The following AHI1 variants were observed in gnomAD, a reference collection of about 807,000 sequenced individuals.
AHI1 encodes Abelson helper integration site 1.
In AHI1, 123 loss-of-function variants were observed where a neutral mutation model predicts 149.3. The observed-to-expected ratio is 0.82, with a 90% CI of 0.71 to 0.96. The LOEUF (loss-of-function observed/expected upper bound fraction) is 0.96. AHI1 is among the 40% of genes least tolerant of loss of function. The pLI, the probability that AHI1 is intolerant of heterozygous loss-of-function variation, is 0.00. For synonymous variants in AHI1, 475 were observed against 459.8 expected (o/e 1.03, Z -0.42); for missense variants, 1,439 against 1,422.7 (o/e 1.01, Z -0.18).
rs956311950 is a variant in AHI1 at position 135,433,088 on chromosome 6, T to C, written c.2205A>G (p.Ile735Met). 14 of 1,613,740 alleles carry C rather than the reference T, an allele frequency of 8.7e-6. No individual in the cohort carries two copies. The highest frequency in any genetic ancestry group is 2.7e-5 in the African/African-American group (2 of 75,032). ...WKVEMREDSA[I>M]LVRQFDVHKS... Reference sequence around the variant, plus strand: ...TGTGAACATCAAACTGTCGGACCAATATGGCAGAATCTTCTCTCATCTCAA... The same window carrying C: ...TGTGAACATCAAACTGTCGGACCAACATGGCAGAATCTTCTCTCATCTCAA... Residue 735 changes from isoleucine (I) to methionine (M), a missense_variant, in exon 16 of 29, where the codon ATA becomes ATG. Ile to Met is a conservative substitution (Grantham distance 10). Transcript: ENST00000265602.
chr6:135,303,685 G>A (rs1784182217), intron 26 of AHI1, among the ~76,000 whole-genome samples: 1 of 152,084 alleles, frequency 6.6e-6, no homozygotes, highest in Non-Finnish European at 1.5e-5. Context: ...TAGTCTGAAG[G>A]TTATACTAGT....
intron 24 of AHI1, among the ~76,000 whole-genome samples, chr6:135,334,017 C>T (rs1788996925): frequency 6.6e-6 from 1 of 152,174 alleles, no homozygotes; most frequent in Admixed American, 6.5e-5. Context: ...GGAAAAGCCT[C>T]TTAGTAATAT....
intron 5 of AHI1, among the ~76,000 whole-genome samples, chr6:135,482,894 C>CTTTTTTTTGTTTTTTTTTTTTTTT (rs1793907719): frequency 1.8e-5 from 1 of 55,734 alleles, no homozygotes; most frequent in African/African-American, 9.3e-5. Context: ...CCATTTAAGG[C>CTTTTTTTTGTTTTTTTTTTTTTTT]TTTTTTTTTT....
chr6:135,340,264 G>T (rs1790082491), intron 24 of AHI1, among the ~76,000 whole-genome samples: 1 of 151,864 alleles, frequency 6.6e-6, no homozygotes, highest in Non-Finnish European at 1.5e-5. Flanking sequence ...CTCAGCTACT[G>T]AGGAGGCTGA....
At chr6:135,446,912 C>G in intron 13 of AHI1, 96 bp downstream of exon 13, 4 of 1,279,494 alleles carry the variant, frequency 3.1e-6, no homozygotes, top group South Asian at 1.9e-5. Context: ...AAATAGCAAG[C>G]ATTTTAAGTA....
chr6:135,408,131 A>C (rs1392321190), intron 21 of AHI1, among the ~76,000 whole-genome samples: 5 of 152,180 alleles, frequency 3.3e-5, no homozygotes, highest in African/African-American at 1.2e-4. Context: ...AGGTATATAA[A>C]ATGAAATTAG....
At chr6:135,490,140 G>T in intron 5 of AHI1, 1 of 716,476 alleles carries the variant, frequency 1.4e-6, no homozygotes, top group South Asian at 1.5e-5. Flanking sequence ...TCCTTCAAGT[G>T]TGCTGCCAAA....
intron 1 of AHI1, 25 bp from the exon 2 acceptor site, chr6:135,497,274 T>G (rs527293117): frequency 6.6e-6 from 1 of 152,356 alleles, no homozygotes. Flanking sequence ...ACACACTCAG[T>G]ACACATCTGA....
chr6:135,320,927 C>T (rs1183002171), intron 25 of AHI1, among the ~76,000 whole-genome samples: 1 of 152,138 alleles, frequency 6.6e-6, no homozygotes, highest in Non-Finnish European at 1.5e-5. Context: ...AGGAACTTGG[C>T]TATTTTAGAT....
chr6:135,330,781 G>T (rs1788467235), intron 24 of AHI1, among the ~76,000 whole-genome samples: 1 of 152,186 alleles, frequency 6.6e-6, no homozygotes, highest in East Asian at 1.9e-4. Flanking sequence ...GAATCTGCTT[G>T]TATTTCAGCG....
At chr6:135,488,084 A>T (rs1161048264) in intron 5 of AHI1, among the ~76,000 whole-genome samples, 2 of 152,156 alleles carry the variant, frequency 1.3e-5, no homozygotes, top group Non-Finnish European at 2.9e-5. Flanking sequence ...GAGAAGTCTC[A>T]AATGTACTAT....
intron 23 of AHI1, among the ~76,000 whole-genome samples, chr6:135,368,081 G>T (rs1185412299): frequency 6.6e-6 from 1 of 152,128 alleles, no homozygotes; most frequent in Non-Finnish European, 1.5e-5. Flanking sequence ...CCTAAGGATG[G>T]GGCTTCCTGA....
intron 26 of AHI1, chr6:135,302,000 T>C: frequency 1.0e-6 from 1 of 980,736 alleles, no homozygotes; most frequent in Non-Finnish European, 1.2e-6. Context: ...TATTCTTTTC[T>C]TTTTTTTAAG....
chr6:135,301,532 G>A (rs1337311016), intron 26 of AHI1: 4 of 985,180 alleles, frequency 4.1e-6, no homozygotes, highest in East Asian at 1.1e-4. Context: ...AGCAAGATTT[G>A]GCACTATCTT....
Position 135,452,973 on chromosome 6 carries a change from T to A in AHI1, c.1440+368A>T, listed in dbSNP as rs574145792. ...ATAAATTGTGAAATCAATTGTTTTA[T>A]GTTTGTGTTGCTGGAATATGAAGTC... On this transcript the variant is annotated intron_variant, in intron 11 of 28. Transcript: ENST00000265602. Among the ~76,000 whole-genome samples, 5 of 152,352 alleles carry A rather than the reference T, an allele frequency of 3.3e-5. No homozygotes were observed. In the East Asian group the frequency reaches 9.6e-4, roughly 29 times the overall value.
intron 15 of AHI1, among the ~76,000 whole-genome samples, chr6:135,433,467 A>G (rs924122746): frequency 5.3e-5 from 8 of 152,148 alleles, no homozygotes; most frequent in African/African-American, 1.9e-4. Flanking sequence ...TGTTATAGTT[A>G]TTATCCAGCA....
At chr6:135,305,307 T>A (rs1784414016) in intron 26 of AHI1, 1 of 152,204 alleles carries the variant, frequency 6.6e-6, no homozygotes, top group Admixed American at 6.5e-5. Context: ...AACTTAGCAA[T>A]GGTTAGTTTT....
chr6:135,433,276 T>C lies in AHI1; in HGVS notation c.2037-20A>G, dbSNP rs1304940105. ...CATATCCTGGAAAAGGATAAGAAGT[T>C]ACATATTGCTTCTGAAAAGCAGAAG... On this transcript the variant is annotated intron_variant, in intron 15 of 28. Transcript: ENST00000265602. The C allele has an allele frequency of 6.6e-7, 1 of 1,523,296 alleles. No homozygotes were observed. Among genetic ancestry groups the C allele is most frequent in the Non-Finnish European group, 9.0e-7 (1 of 1,105,450 alleles). 94.4% of individuals were successfully genotyped at this position (1,523,296 alleles called of 1,614,324 possible).
Position 135,394,979 on chromosome 6 carries a change from T to C in AHI1, c.2989-83A>G, listed in dbSNP as rs1456590162. 3.5e-6 allele frequency: 5 copies of C among 1,428,988 alleles called. No homozygotes were observed. In the East Asian group the frequency reaches 9.9e-5, roughly 28 times the overall value. The allele number at this position is 1,428,988 out of a possible 1,614,324, so 88.5% of individuals were successfully genotyped here. A position where few individuals can be genotyped will look rare whatever the true frequency, so the allele number is the denominator to read the frequency against. On this transcript the variant is annotated intron_variant, in intron 22 of 28. Transcript: ENST00000265602. ...AAACTGGATGAGAAATATTTGCTTA[T>C]TATACAAACCAGGACACATGATAGG...
Sources: gnomAD v4.1 joint callset for allele counts (sites outside exome capture counted in the v4.1 genomes callset) on GRCh38, gnomAD v4.1.1 for gene constraint, MANE v1.5 for transcripts, NCBI Gene and HGNC (gene_info 2026-07-23, HGNC 2026-07-21) for gene names.